The following HERC4 variants were observed in gnomAD, a reference collection of about 807,000 sequenced individuals.
HERC4 encodes probable E3 ubiquitin-protein ligase HERC4.
In HERC4, 28 loss-of-function variants were observed where a neutral mutation model predicts 124.3. The observed-to-expected ratio is 0.23, with a 90% CI of 0.17 to 0.31. The LOEUF (loss-of-function observed/expected upper bound fraction) is 0.31, where lower values mean the gene tolerates loss of function less well. Ranked by LOEUF, HERC4 falls within the 10% of genes least tolerant of loss-of-function variation. HERC4 has a pLI of 1.00. For synonymous variants in HERC4, 407 were observed against 421.5 expected (o/e 0.97, Z 0.42); for missense variants, 713 against 1,229.3 (o/e 0.58, Z 6.28).
intron 9 of HERC4, among the ~76,000 whole-genome samples, chr10:67,997,402 T>C (rs546181754): frequency 1.3e-5 from 2 of 152,378 alleles, no homozygotes; most frequent in African/African-American, 4.8e-5. Context: ...TAAAGTTCTT[T>C]TCAATCATAT....
intron 5 of HERC4, among the ~76,000 whole-genome samples, chr10:68,034,555 A>G (rs2039361324): frequency 6.6e-6 from 1 of 152,178 alleles, no homozygotes; most frequent in Non-Finnish European, 1.5e-5. Flanking sequence ...TCAAACTTTA[A>G]TAACTATCTG....
At chr10:68,069,018 C>T (rs989337210) in intron 3 of HERC4, 1 of 981,566 alleles carries the variant, frequency 1.0e-6, no homozygotes, top group African/African-American at 1.8e-5. Flanking sequence ...TTAAACAGAA[C>T]ACCACTTTAT....
At chr10:68,049,613 A>AAAAAAC (rs1236417660) in intron 3 of HERC4, among the ~76,000 whole-genome samples, 1 of 150,164 alleles carries the variant, frequency 6.7e-6, no homozygotes, top group Non-Finnish European at 1.5e-5. Context: ...AAAAAAAAAA[A>AAAAAAC]CACTTTGGAA....
chr10:67,932,735 T>A lies in HERC4; in HGVS notation c.2700A>T (p.Ser900=). 6.2e-7 allele frequency: 1 copy of A among 1,604,568 alleles called. No individual in the cohort carries two copies. The highest frequency in any genetic ancestry group is 2.2e-5 in the East Asian group (1 of 44,688). The stretch of plus-strand genomic sequence containing the variant: ...GAAAAGCATCAAATAAGGAAGCCAC[T>A]GATTTATTGAATATGTAATCCACAT... The part of the protein sequence containing the change: ...DAYVDYIFNK[S]VASLFDAFHA... Residue 900 remains serine, a synonymous_variant, in exon 23 of 25, where the codon TCA becomes TCT. Coordinates refer to ENST00000373700, the MANE Select transcript of HERC4 (RefSeq NM_015601.4).
chr10:67,991,244 TA>T, intron 11 of HERC4, 45 bp from the exon 12 acceptor site: 1 of 1,113,144 alleles, frequency 9.0e-7, no homozygotes, highest in Non-Finnish European at 1.3e-6. Flanking sequence ...ATCAGAAATT[TA>T]ATTGTTTACC....
intron 15 of HERC4, among the ~76,000 whole-genome samples, chr10:67,975,104 G>A (rs916851070): frequency 9.9e-5 from 15 of 151,918 alleles, no homozygotes; most frequent in African/African-American, 1.9e-4. Context: ...CAGGAGAATC[G>A]CTTGAACCCG....
At position 67,926,732 on chromosome 10, in the gene HERC4, T is replaced by G. The variant is rs112528989; in HGVS notation, c.2839-1545A>C. Among the ~76,000 whole-genome samples, 3 of 152,346 alleles carry G rather than the reference T, an allele frequency of 2.0e-5. 1 individual carries two copies. The highest frequency in any genetic ancestry group is 7.2e-5 in the African/African-American group (3 of 41,586). ...GTTTTGGGCCCTGGGAAAACCTCAG[T>G]GAACAGAATCCTCACTTACCTTGTG... On this transcript the variant is annotated intron_variant, in intron 23 of 24. Transcript: ENST00000373700.
chr10:68,046,626 T>C (rs2040023947), intron 3 of HERC4, among the ~76,000 whole-genome samples: 1 of 152,144 alleles, frequency 6.6e-6, no homozygotes, highest in African/African-American at 2.4e-5. Flanking sequence ...AATGCTAAGA[T>C]AAACATATAC....
At chr10:68,004,562 A>G (rs1027810652) in intron 9 of HERC4, among the ~76,000 whole-genome samples, 3 of 152,146 alleles carry the variant, frequency 2.0e-5, no homozygotes, top group African/African-American at 7.2e-5. Context: ...TGCTTTTTGT[A>G]TACAGTGAGA....
chr10:67,973,276 T>TAATTG (rs1398144623), intron 15 of HERC4, among the ~76,000 whole-genome samples: 1 of 152,130 alleles, frequency 6.6e-6, no homozygotes, highest in African/African-American at 2.4e-5. Context: ...AATCTGTATG[T>TAATTG]AATTGCCCCC....
At chr10:67,966,135 A>AC (rs953669755) in intron 16 of HERC4, 1 of 152,622 alleles carries the variant, frequency 6.6e-6, no homozygotes, top group African/African-American at 2.4e-5. Context: ...GTGCCACCAC[A>AC]CTTGGCTAAT....
chr10:68,063,722 G>A (rs946961651), intron 3 of HERC4, among the ~76,000 whole-genome samples: 1 of 152,166 alleles, frequency 6.6e-6, no homozygotes, highest in Admixed American at 6.5e-5. Context: ...CAGATTACCT[G>A]AGGCCAGGAG....
rs1296683961 is a variant in HERC4, at chr10:68,021,179, G to C, written c.908+4367C>G. Among the ~76,000 whole-genome samples the C allele has an allele frequency of 5.9e-5, 9 of 152,290 alleles. No individual in the cohort carries two copies. In the East Asian group the frequency reaches 1.4e-3, roughly 23 times the overall value. ...TGAAAGACAAAGAATCTTGAAAGCA[G>C]CATGAAAGAAGCAGGTTGTCATACA... is the stretch of plus-strand genomic sequence containing the variant. On this transcript the variant is annotated intron_variant, in intron 8 of 24. Coordinates refer to ENST00000373700, the MANE Select transcript of HERC4 (RefSeq NM_015601.4).
intron 3 of HERC4, among the ~76,000 whole-genome samples, chr10:68,046,795 C>T (rs1333245518): frequency 6.6e-6 from 1 of 152,060 alleles, no homozygotes; most frequent in South Asian, 2.1e-4. Context: ...AGTGAGACCT[C>T]GTCTCTACAA....
chr10:68,059,538 ATAT>A (rs1435883552), intron 3 of HERC4, among the ~76,000 whole-genome samples: 5 of 101,614 alleles, frequency 4.9e-5, no homozygotes, highest in South Asian at 3.1e-4. Flanking sequence ...ATTATATATC[ATAT>A]TATATATCAT....
intron 9 of HERC4, among the ~76,000 whole-genome samples, chr10:68,001,010 G>T (rs549316256): frequency 6.6e-6 from 1 of 152,144 alleles, no homozygotes; most frequent in Non-Finnish European, 1.5e-5. Context: ...AAAGAAAGGT[G>T]TGCCCCTTGC....
intron 9 of HERC4, among the ~76,000 whole-genome samples, chr10:68,000,319 C>A (rs952603925): frequency 1.3e-5 from 2 of 152,078 alleles, no homozygotes; most frequent in African/African-American, 4.8e-5. Context: ...TGGCTCATGC[C>A]TGTAATCCCA....
At chr10:68,018,486 G>C (rs1295148374) in intron 8 of HERC4, among the ~76,000 whole-genome samples, 1 of 151,978 alleles carries the variant, frequency 6.6e-6, no homozygotes, top group Non-Finnish European at 1.5e-5. Flanking sequence ...ACATTATAAT[G>C]GTGTCCTAAA....
At chr10:67,924,514 C>G (rs1369664619) in intron 24 of HERC4, among the ~76,000 whole-genome samples, 2 of 152,084 alleles carry the variant, frequency 1.3e-5, no homozygotes, top group Non-Finnish European at 2.9e-5. Flanking sequence ...ATTTGTGTAT[C>G]TAAACATAGA....
Sources: allele counts gnomAD v4.1 joint callset (sites outside exome capture counted in the v4.1 genomes callset), GRCh38; gene constraint gnomAD v4.1.1; transcripts MANE v1.5; gene names NCBI Gene and HGNC (gene_info 2026-07-23, HGNC 2026-07-21).